DYSF: variants seen among roughly 807,000 people sequenced by gnomAD.
The protein encoded by DYSF is dystrophy-associated fer-1-like 1.
In DYSF, 212 loss-of-function variants were observed where a neutral mutation model predicts 274.9. That is an observed-to-expected ratio of 0.77 (90% CI 0.69 to 0.86). DYSF has a LOEUF of 0.86. DYSF is among the 40% of genes least tolerant of loss of function. DYSF has a pLI of 0.00. For missense variants in DYSF, 2,666 were observed against 2,783.2 expected (o/e 0.96, Z 0.95); for synonymous variants, 1,091 against 1,078.7 (o/e 1.01, Z -0.22).
At chr2:71,514,126 C>T (rs561987569) in intron 7 of DYSF, among the ~76,000 whole-genome samples, 6 of 144,104 alleles carry the variant, frequency 4.2e-5, no homozygotes, top group Non-Finnish European at 7.5e-5. Context: ...AAGCTTCTGC[C>T]GAGACCTGTG....
intron 43 of DYSF, among the ~76,000 whole-genome samples, chr2:71,656,522 T>C (rs2094774556): frequency 6.6e-6 from 1 of 152,174 alleles, no homozygotes; most frequent in South Asian, 2.1e-4. Context: ...ATGAGAGTGG[T>C]GGTCATGATG....
At chr2:71,654,895 A>C (rs2094739097) in intron 42 of DYSF, among the ~76,000 whole-genome samples, 1 of 152,146 alleles carries the variant, frequency 6.6e-6, no homozygotes, top group Non-Finnish European at 1.5e-5. Context: ...CCTGGGCAAC[A>C]TGGCCAGAAC....
intron 41 of DYSF, among the ~76,000 whole-genome samples, chr2:71,641,987 T>C (rs2094492854): frequency 6.6e-6 from 1 of 152,208 alleles, no homozygotes; most frequent in Non-Finnish European, 1.5e-5. Context: ...ATAATGTTTG[T>C]CTATTTAGTT....
intron 13 of DYSF, among the ~76,000 whole-genome samples, chr2:71,528,030 G>T (rs1390617487): frequency 1.3e-5 from 2 of 152,218 alleles, no homozygotes; most frequent in Admixed American, 1.3e-4. Context: ...AGTCAGGCAG[G>T]TAGATTTGAT....
At chr2:71,593,417 C>T (rs2093328047) in intron 32 of DYSF, among the ~76,000 whole-genome samples, 1 of 152,188 alleles carries the variant, frequency 6.6e-6, no homozygotes, top group African/African-American at 2.4e-5. Flanking sequence ...AGGCGTGAGC[C>T]ACTGTGCCCG....
chr2:71,611,764 G>A, intron 38 of DYSF, 138 bp downstream of exon 38: 3 of 1,178,904 alleles, frequency 2.5e-6, no homozygotes, highest in Non-Finnish European at 3.6e-6. Context: ...TGAACATGGG[G>A]AGAAATGCTC....
intron 2 of DYSF, among the ~76,000 whole-genome samples, chr2:71,481,222 G>T (rs911194493): frequency 1.3e-5 from 2 of 152,216 alleles, no homozygotes; most frequent in African/African-American, 4.8e-5. Flanking sequence ...TCTCTTGCCT[G>T]CCTGTTTCTC....
rs1321169658 is a variant in DYSF, at chr2:71,667,505, A to T, written c.5447A>T (p.Asp1816Val). The T allele has an allele frequency of 1.2e-6, 2 of 1,614,126 alleles. No individual in the cohort carries two copies. Among genetic ancestry groups the T allele is most frequent in the Admixed American group, 3.3e-5 (2 of 60,022 alleles). Residue 1816 changes from aspartate (D) to valine (V), a missense_variant, in exon 48 of 56, where the codon GAC becomes GTC. Coordinates refer to ENST00000410020, the MANE Select transcript of DYSF (RefSeq NM_001130987.2). ...SRPLYSPLQP[D>V]IEQGKLQMWV... ...CCCCTCTACAGCCCCCTGCAGCCAG[A>T]CATCGAGCAGGTAGGACCTTGACCC...
intron 3 of DYSF, among the ~76,000 whole-genome samples, chr2:71,496,423 G>A (rs760754884): frequency 5.9e-5 from 9 of 152,242 alleles, no homozygotes; most frequent in Non-Finnish European, 1.3e-4. Context: ...GGGGACAAGC[G>A]CCTTTATTGT....
In DYSF at chr2:71,533,423, C is replaced by T. The variant is rs116386198; in HGVS notation, c.1381-1598C>T. Among the ~76,000 whole-genome samples, 697 of 152,306 alleles carry T rather than the reference C, an allele frequency of 4.6e-3. 4 individuals are homozygous for T. The highest frequency in any genetic ancestry group is 0.016 in the African/African-American group (656 of 41,564). On this transcript the variant is annotated intron_variant, in intron 14 of 55. Transcript: ENST00000410020. ...ATCATATAACTTGGAGATGGTTTCA[C>T]GTCACTACCTAGAGGCATCCTCATT...
chr2:71,534,483 T>A (rs1559098402), intron 14 of DYSF, among the ~76,000 whole-genome samples: 1 of 152,156 alleles, frequency 6.6e-6, no homozygotes, highest in Non-Finnish European at 1.5e-5. Flanking sequence ...ACAGGGCTGG[T>A]TGGAGGCAGA....
chr2:71,652,400 C>G (rs1428830811), intron 42 of DYSF, among the ~76,000 whole-genome samples: 1 of 152,164 alleles, frequency 6.6e-6, no homozygotes, highest in East Asian at 1.9e-4. Flanking sequence ...ATTAGTAGAA[C>G]CATCAGGAGA....
chr2:71,631,351 T>A (rs975073716), intron 41 of DYSF, among the ~76,000 whole-genome samples: 8 of 152,216 alleles, frequency 5.3e-5, no homozygotes, highest in African/African-American at 1.9e-4. Flanking sequence ...TAAAGTAGGT[T>A]TCCTAAGGAC....
At chr2:71,595,560 C>G (rs1371341697) in intron 32 of DYSF, among the ~76,000 whole-genome samples, 4 of 152,176 alleles carry the variant, frequency 2.6e-5, no homozygotes, top group Admixed American at 1.3e-4. Flanking sequence ...AGGTCCTCCC[C>G]GGAGCTCCAG....
chr2:71,476,104 T>TG (rs1008743296), intron 1 of DYSF, among the ~76,000 whole-genome samples: 3 of 152,086 alleles, frequency 2.0e-5, no homozygotes, highest in African/African-American at 7.2e-5. Flanking sequence ...ACATGGAACT[T>TG]GGGGGGATCC....
rs998546221 is a variant in DYSF at position 71,553,044 on chromosome 2, G to T, written c.1840G>T (p.Ala614Ser). Residue 614 changes from alanine (A) to serine (S), a missense_variant, in exon 20 of 56, where the codon GCG (alanine) becomes TCG (serine). Ala to Ser is a moderately conservative substitution (Grantham distance 99). Coordinates refer to ENST00000410020, the MANE Select transcript of DYSF (RefSeq NM_001130987.2). Reference protein sequence around the residue: ...YLRRRKYSLFAAFYSATMLQD... With the variant: ...YLRRRKYSLFSAFYSATMLQD... ...TAGGAGGCGCAAGTACTCCCTGTTT[G>T]CGGCCTTCTACTCAGCCACCATGCT... is the stretch of plus-strand genomic sequence containing the variant. 1 of 1,614,152 alleles carries T rather than the reference G, an allele frequency of 6.2e-7. No individual in the cohort carries two copies. The highest frequency in any genetic ancestry group is 8.5e-7 in the Non-Finnish European group (1 of 1,180,028).
intron 30 of DYSF, among the ~76,000 whole-genome samples, chr2:71,585,022 A>G (rs2093019236): frequency 6.6e-6 from 1 of 152,224 alleles, no homozygotes; most frequent in African/African-American, 2.4e-5. Context: ...ACCGTGGGGT[A>G]TCATTTCATT....
chr2:71,643,912 G>A (rs2094526687), intron 41 of DYSF, 53 bp from the exon 42 acceptor site: 3 of 1,434,442 alleles, frequency 2.1e-6, no homozygotes, highest in Non-Finnish European at 2.9e-6. Context: ...TCTGAAGAAT[G>A]CTGCTTGGCG....
At chr2:71,626,645 T>A (rs2094212855) in intron 41 of DYSF, among the ~76,000 whole-genome samples, 1 of 151,834 alleles carries the variant, frequency 6.6e-6, no homozygotes, top group African/African-American at 2.4e-5. Flanking sequence ...AGTTTAGGAC[T>A]TTTTTTGCAT....
Sources: gnomAD v4.1 joint callset for allele counts (sites outside exome capture counted in the v4.1 genomes callset) on GRCh38, gnomAD v4.1.1 for gene constraint, MANE v1.5 for transcripts, NCBI Gene and HGNC (gene_info 2026-07-23, HGNC 2026-07-21) for gene names.